Variants in UBA5 observed in about 807,000 individuals in gnomAD.
The protein encoded by UBA5 is ubiquitin like modifier activating enzyme 5.
Under a neutral mutation model 52.9 loss-of-function variants are expected in UBA5, and 28 were observed. That is an observed-to-expected ratio of 0.53 (90% CI 0.39 to 0.73). The LOEUF is 0.73. Among genes scored for constraint, UBA5 ranks in the 30% least tolerant of loss-of-function variants. The pLI is 0.00. For missense variants in UBA5, 388 were observed against 492.7 expected (o/e 0.79, Z 2.01); for synonymous variants, 135 against 162.1 (o/e 0.83, Z 1.27).
At position 132,660,658 on chromosome 3, in the gene UBA5, G is replaced by T; in HGVS notation, c.121G>T (p.Glu41Ter). ...CGGAGGGGGCGGCCGGGTCCGCATC[G>T]AGAAGATGAGCTCAGAGGTGGTGGA... ...GDGGGGRVRI[E>*]KMSSEVVDSN... Residue 41 changes from glutamate (E) to a stop codon, truncating the protein, a stop_gained, in exon 1 of 12, where the codon GAG becomes TAG. Coordinates refer to ENST00000356232, the MANE Select transcript of UBA5 (RefSeq NM_024818.6). LOFTEE classifies it high-confidence loss of function. This position sits in a 1 kb window ranked among gnomAD's most constrained non-coding sequence, Gnocchi z 4.1. 6.3e-7 allele frequency: 1 copy of T among 1,575,440 alleles called. No homozygotes were observed. Among genetic ancestry groups the T allele is most frequent in the African/African-American group, 1.3e-5 (1 of 74,138 alleles).
rs1444445994 is a variant in UBA5 at position 132,668,862 on chromosome 3, T to C, written c.342T>C (p.Asn114=). 10 of 1,611,778 alleles carry C rather than the reference T, an allele frequency of 6.2e-6. No individual in the cohort carries two copies. The highest frequency in any genetic ancestry group is 2.2e-5 in the South Asian group (2 of 90,582). ...DYDKVELANM[N]RLFFQPHQAG... ...ACAAGGTGGAACTAGCCAATATGAATAGACTTTTCTTCCAACCTCATCAAG... is the reference window on the plus strand; with the variant it reads ...ACAAGGTGGAACTAGCCAATATGAACAGACTTTTCTTCCAACCTCATCAAG... Residue 114 remains asparagine (N), a synonymous_variant, in exon 4 of 12, where the codon AAT becomes AAC. Transcript: ENST00000356232.
chr3:132,660,151 G>C (rs767954320), upstream of UBA5: 11 of 348,186 alleles, frequency 3.2e-5, no homozygotes, highest in Non-Finnish European at 4.2e-5. This position sits in a 1 kb window ranked among gnomAD's most constrained non-coding sequence, Gnocchi z 4.1. Context: ...TCAGACTGTC[G>C]AGCCTAAGAA....
upstream of UBA5, among the ~76,000 whole-genome samples, chr3:132,658,687 C>T (rs1937949340): frequency 6.6e-6 from 1 of 152,170 alleles, no homozygotes; most frequent in African/African-American, 2.4e-5. Flanking sequence ...TTAAATTCTA[C>T]ACCCTAAAAT....
upstream of UBA5, chr3:132,659,599 A>G (rs1938018178): frequency 6.8e-6 from 11 of 1,610,308 alleles, no homozygotes; most frequent in African/African-American, 1.3e-5. Flanking sequence ...GCTGACATCC[A>G]TACCTGTACT....
chr3:132,670,434 TA>T (rs1468519197), intron 5 of UBA5, 150 bp downstream of exon 5: 6 of 501,206 alleles, frequency 1.2e-5, no homozygotes, highest in Non-Finnish European at 1.8e-5. Context: ...AATTTTTATG[TA>T]TTAGAATATC....
At chr3:132,659,925 C>A, upstream of UBA5, 1 of 711,850 alleles carries the variant, frequency 1.4e-6, no homozygotes, top group Non-Finnish European at 2.1e-6. Flanking sequence ...CCCGCTGAAT[C>A]CCGAGGTTTT....
chr3:132,665,619 T>C (rs1257321996), intron 1 of UBA5: 2 of 547,638 alleles, frequency 3.7e-6, no homozygotes, highest in Non-Finnish European at 6.4e-6. Context: ...TTGTTTCATA[T>C]GCTACACTTG....
At chr3:132,668,748 C>G (rs1938480224) in intron 3 of UBA5, 70 bp from the exon 4 acceptor site, 1 of 962,658 alleles carries the variant, frequency 1.0e-6, no homozygotes, top group Admixed American at 2.3e-5. Flanking sequence ...GTAAAGCTCT[C>G]TAATTTATTT....
rs746855658 is a variant in UBA5, at chr3:132,675,864, T to G, written c.1072T>G (p.Ser358Ala). ...EVSEEELKNF[S>A]GPVPDLPEGI... ...TTCAGAAGAGGAACTGAAAAATTTT[T>G]CAGGTCCAGTTCCAGACTTACCTGA... Residue 358 changes from serine (S) to alanine (A), a missense_variant, in exon 11 of 12, where the codon TCA (serine) becomes GCA (alanine). Ser to Ala is a moderately conservative substitution (Grantham distance 99, BLOSUM62 1). Coordinates refer to ENST00000356232, the MANE Select transcript of UBA5 (RefSeq NM_024818.6). 6.2e-7 allele frequency: 1 copy of G among 1,611,790 alleles called. No individual in the cohort carries two copies. Among genetic ancestry groups the G allele is most frequent in the Non-Finnish European group, 8.5e-7 (1 of 1,179,264 alleles).
chr3:132,669,662 A>G (rs771807911), intron 4 of UBA5, among the ~76,000 whole-genome samples: 1 of 152,202 alleles, frequency 6.6e-6, no homozygotes, highest in Non-Finnish European at 1.5e-5. Context: ...CTGCACAAAA[A>G]CAGGTGGTGG....
intron 8 of UBA5, among the ~76,000 whole-genome samples, chr3:132,674,270 C>G (rs1192578100): frequency 6.6e-6 from 1 of 152,046 alleles, no homozygotes; most frequent in Non-Finnish European, 1.5e-5. Context: ...ATATTTTTGT[C>G]ATTTATCTTT....
intron 3 of UBA5, among the ~76,000 whole-genome samples, chr3:132,666,472 C>T (rs923499653): frequency 1.3e-5 from 2 of 152,048 alleles, no homozygotes; most frequent in African/African-American, 4.8e-5. Context: ...AGAGAATGCT[C>T]TGGATGGATT....
intron 6 of UBA5, 47 bp from the exon 7 acceptor site, chr3:132,671,730 T>C: frequency 2.1e-6 from 3 of 1,435,560 alleles, no homozygotes; most frequent in Non-Finnish European, 2.9e-6. Context: ...AAATTACTTC[T>C]TGCTCTTTTA....
upstream of UBA5, chr3:132,659,566 A>T (rs577097514): frequency 5.5e-5 from 89 of 1,607,626 alleles, no homozygotes; most frequent in South Asian, 8.7e-4. Flanking sequence ...CAATGTACAA[A>T]TTTTTTTCCG....
At chr3:132,672,228 T>C (rs1576649323) in intron 8 of UBA5, 51 bp downstream of exon 8, 1 of 1,558,406 alleles carries the variant, frequency 6.4e-7, no homozygotes, top group Non-Finnish European at 8.7e-7. Context: ...TCAGTAAACA[T>C]AAATATATTT....
At chr3:132,656,078 C>A (rs1326110781), upstream of UBA5, among the ~76,000 whole-genome samples, 1 of 152,164 alleles carries the variant, frequency 6.6e-6, no homozygotes, top group African/African-American at 2.4e-5. Context: ...TTATATTTAT[C>A]ATTCCCTTGA....
chr3:132,675,541 T>C (rs1241187871), intron 9 of UBA5, 64 bp from the exon 10 acceptor site: 4 of 1,536,418 alleles, frequency 2.6e-6, no homozygotes, highest in Admixed American at 3.9e-5. Context: ...GTCTGAATTC[T>C]TGATTAATGC....
chr3:132,670,913 T>A, intron 5 of UBA5, 52 bp from the exon 6 acceptor site: 1 of 1,281,500 alleles, frequency 7.8e-7, no homozygotes, highest in South Asian at 1.2e-5. Flanking sequence ...GTATAATGTA[T>A]TAGAGTGTAT....
At chr3:132,669,347 A>AC (rs1353145961) in intron 4 of UBA5, among the ~76,000 whole-genome samples, 1 of 151,910 alleles carries the variant, frequency 6.6e-6, no homozygotes, top group African/African-American at 2.4e-5. Context: ...GGCTCACTGC[A>AC]CCTCCGCCTC....
Sources: gnomAD v4.1 joint callset for allele counts (sites outside exome capture counted in the v4.1 genomes callset) on GRCh38, gnomAD v4.1.1 for gene constraint, Gnocchi (gnomAD v3.1) non-coding constraint, MANE v1.5 for transcripts, NCBI Gene and HGNC (gene_info 2026-07-23, HGNC 2026-07-21) for gene names.